The following AFAP1 variants were observed in gnomAD, a reference collection of about 807,000 sequenced individuals.
AFAP1 encodes actin filament-associated protein 1.
In AFAP1, 75 loss-of-function variants were observed where a neutral mutation model predicts 93.9. The ratio of observed to expected loss-of-function variants is 0.80; its 90% CI spans 0.66 to 0.97. The LOEUF (loss-of-function observed/expected upper bound fraction) is 0.97, where lower values mean the gene tolerates loss of function less well. Ranked by LOEUF, AFAP1 falls within the 50% of genes least tolerant of loss-of-function variation. The pLI is 0.00. For missense variants in AFAP1, 1,201 were observed against 1,050.8 expected, an observed-to-expected ratio of 1.14 and a Z score of -1.98; for synonymous variants, 517 against 430.7, an observed-to-expected ratio of 1.20 and a Z score of -2.48.
intron 10 of AFAP1, among the ~76,000 whole-genome samples, chr4:7,794,968 G>A (rs1034297133): frequency 6.7e-6 from 1 of 148,576 alleles, no homozygotes; most frequent in African/African-American, 2.4e-5. Context: ...TGAGTTAACT[G>A]AATGTTGAAG....
intron 11 of AFAP1, among the ~76,000 whole-genome samples, chr4:7,788,380 G>A (rs1448185185): frequency 6.6e-6 from 1 of 152,248 alleles, no homozygotes; most frequent in Non-Finnish European, 1.5e-5. Context: ...TGGGGCTCCG[G>A]GCTGGGCTTC....
At chr4:7,787,719 G>C (rs990902683) in intron 11 of AFAP1, among the ~76,000 whole-genome samples, 1 of 152,172 alleles carries the variant, frequency 6.6e-6, no homozygotes, top group Non-Finnish European at 1.5e-5. Flanking sequence ...AGGGCAGGCC[G>C]GGCCACGCCA....
At chr4:7,830,972 C>G (rs555582111) in intron 6 of AFAP1, among the ~76,000 whole-genome samples, 260 of 152,072 alleles carry the variant, frequency 1.7e-3, no homozygotes, top group Admixed American at 2.9e-3. Context: ...GGGAGAGAGA[C>G]TTAAATAGGG....
intron 1 of AFAP1, among the ~76,000 whole-genome samples, chr4:7,879,271 T>C (rs1717699089): frequency 1.3e-5 from 2 of 152,212 alleles, no homozygotes; most frequent in Non-Finnish European, 2.9e-5. Flanking sequence ...TGTCTGCATT[T>C]TATCTCATCT....
At chr4:7,769,507 G>T (rs552091170) in intron 16 of AFAP1, among the ~76,000 whole-genome samples, 1 of 152,318 alleles carries the variant, frequency 6.6e-6, no homozygotes, top group East Asian at 1.9e-4. Flanking sequence ...GAGCACAGAG[G>T]CCTTCCTAGT....
chr4:7,808,367 G>C (rs1406124445), intron 9 of AFAP1, among the ~76,000 whole-genome samples: 2 of 152,094 alleles, frequency 1.3e-5, no homozygotes, highest in Non-Finnish European at 2.9e-5. Flanking sequence ...CGGCCTCTTG[G>C]GTTTTCCCTC....
intron 1 of AFAP1, among the ~76,000 whole-genome samples, chr4:7,933,481 G>A (rs1721211517): frequency 6.6e-6 from 1 of 152,182 alleles, no homozygotes. Context: ...GCTGAGGCAG[G>A]AGAATCACTT....
chr4:7,892,683 T>C (rs1577339517), intron 1 of AFAP1, among the ~76,000 whole-genome samples: 1 of 151,978 alleles, frequency 6.6e-6, no homozygotes, highest in African/African-American at 2.4e-5. Flanking sequence ...GCTTCCAGGG[T>C]GCCTAGAACA....
At chr4:7,915,778 T>TC (rs1181117477) in intron 1 of AFAP1, among the ~76,000 whole-genome samples, 1 of 152,234 alleles carries the variant, frequency 6.6e-6, no homozygotes, top group Non-Finnish European at 1.5e-5. Flanking sequence ...GGCAAGCCCC[T>TC]CAATGGAGAG....
At chr4:7,838,437 CAAAATTAAAATTAAAATT>C (rs567891544) in intron 6 of AFAP1, 69 bp downstream of exon 6, 2 of 1,449,500 alleles carry the variant, frequency 1.4e-6, no homozygotes, top group Admixed American at 4.8e-5. Flanking sequence ...TATGCTTGAA[CAAAATTAAAATTAAAATT>C]AAAATTAAAA....
rs1713412121 is a variant in AFAP1, at chr4:7,759,100, T to C, written c.*4665A>G. The C allele has an allele frequency of 6.5e-6, 1 of 152,688 alleles. No homozygotes were observed. The highest frequency in any genetic ancestry group is 2.1e-4 in the South Asian group (1 of 4,834). The allele number at this position is 152,688 out of a possible 1,614,324, so 9.5% of individuals were successfully genotyped here. A position where few individuals can be genotyped will look rare whatever the true frequency, so the allele number is the denominator to read the frequency against. On this transcript the variant is annotated 3_prime_UTR_variant, in exon 18 of 18. Coordinates refer to ENST00000420658, the MANE Select transcript of AFAP1 (RefSeq NM_001134647.2). ...CTTAATATGAAAACATTTTACAACG[T>C]ATCACCATGGTCAATTAATTCTGAA...
intron 3 of AFAP1, among the ~76,000 whole-genome samples, chr4:7,867,096 G>C (rs1403774658): frequency 1.0e-5 from 1 of 96,452 alleles, no homozygotes; most frequent in African/African-American, 3.8e-5. Flanking sequence ...GAGAGGGGAG[G>C]AGAGGGGAGT....
At chr4:7,776,489 A>T (rs115713464) in intron 14 of AFAP1, 1 of 152,212 alleles carries the variant, frequency 6.6e-6, no homozygotes, top group Non-Finnish European at 1.5e-5. Flanking sequence ...ACATTCACTG[A>T]CAATTCTTAC....
At chr4:7,831,958 T>C (rs952226471) in intron 6 of AFAP1, among the ~76,000 whole-genome samples, 1 of 151,946 alleles carries the variant, frequency 6.6e-6, no homozygotes. Context: ...CCCAACACAG[T>C]GAGAATGAAA....
chr4:7,916,891 A>G (rs1029720331), intron 1 of AFAP1, among the ~76,000 whole-genome samples: 1 of 152,078 alleles, frequency 6.6e-6, no homozygotes, highest in African/African-American at 2.4e-5. Flanking sequence ...AGCCCAGTGC[A>G]TTTTCAGGAA....
intron 1 of AFAP1, among the ~76,000 whole-genome samples, chr4:7,909,944 C>G (rs796119262): frequency 4.8e-4 from 73 of 152,262 alleles, no homozygotes; most frequent in African/African-American, 1.7e-3. Context: ...CACTACGAAT[C>G]GGGCTAAAAC....
intron 5 of AFAP1, among the ~76,000 whole-genome samples, chr4:7,839,030 G>A (rs1395753875): frequency 2.0e-5 from 3 of 152,122 alleles, no homozygotes; most frequent in Non-Finnish European, 2.9e-5. Context: ...TTACATGAAT[G>A]TATTTACATA....
intron 1 of AFAP1, among the ~76,000 whole-genome samples, chr4:7,910,312 T>G (rs1719656172): frequency 1.3e-5 from 2 of 152,058 alleles, no homozygotes; most frequent in South Asian, 4.2e-4. Flanking sequence ...GTCCTAGCCC[T>G]GCTACCAACC....
chr4:7,870,002 A>G (rs796583320), intron 2 of AFAP1, among the ~76,000 whole-genome samples: 4 of 152,276 alleles, frequency 2.6e-5, no homozygotes, highest in African/African-American at 9.6e-5. Flanking sequence ...AAAGACAGGA[A>G]ATCAGGGGAA....
Sources: gnomAD v4.1 joint callset for allele counts (sites outside exome capture counted in the v4.1 genomes callset) on GRCh38, gnomAD v4.1.1 for gene constraint, MANE v1.5 for transcripts, NCBI Gene and HGNC (gene_info 2026-07-23, HGNC 2026-07-21) for gene names.